RIMBP2: variants seen among roughly 807,000 people sequenced by gnomAD.
RIMBP2 encodes the protein RIMS binding protein 2, also known as RIMS-binding protein 2.
Under a neutral mutation model 118.6 loss-of-function variants are expected in RIMBP2, and 48 were observed. That is an observed-to-expected ratio of 0.40 (90% CI 0.32 to 0.51). The LOEUF is 0.51. RIMBP2 is among the 20% of genes least tolerant of loss of function. The pLI is 0.41. For synonymous variants in RIMBP2, 762 were observed against 742.9 expected, an observed-to-expected ratio of 1.03 and a Z score of -0.42; for missense variants, 1,551 against 1,768.3, an observed-to-expected ratio of 0.88 and a Z score of 2.20.
In RIMBP2 at chr12:130,499,276, G is replaced by A. The variant is rs992559157; in HGVS notation, c.-4+7372C>T. On this transcript the variant is annotated intron_variant, in intron 4 of 22. Transcript: ENST00000690449. Reference sequence around the variant, plus strand: ...TACAATTCAACATGAGATTTGGGTGGGGACATAGAGCCAAACCATATCAGG... The same window carrying A: ...TACAATTCAACATGAGATTTGGGTGAGGACATAGAGCCAAACCATATCAGG... 8.5e-5 allele frequency among the ~76,000 whole-genome samples: 13 copies of A among 152,236 alleles called. 1 individual carries two copies. The East Asian group carries it at 2.3e-3, about 27-fold the overall frequency.
intron 12 of RIMBP2, among the ~76,000 whole-genome samples, chr12:130,437,693 T>C (rs61190425): frequency 0.015 from 2,320 of 152,284 alleles, 97 homozygotes; most frequent in Admixed American, 0.087. Flanking sequence ...AGAACAGGGC[T>C]GAGGGCCTCC....
intron 2 of RIMBP2, among the ~76,000 whole-genome samples, chr12:130,519,856 A>T (rs551487959): frequency 2.0e-5 from 3 of 152,300 alleles, no homozygotes; most frequent in East Asian, 1.9e-4. Context: ...TGACTTAAGG[A>T]GGTAAAAGCT....
Position 130,422,894 on chromosome 12 carries a change from T to C in RIMBP2, c.3130-333A>G, listed in dbSNP as rs1302426134. ...TGAATACATCCCACCCCGCCTTGGC[T>C]CCTTGGAGCACCTGAGTCCCTCTTA... On this transcript the variant is annotated intron_variant, in intron 16 of 22. Transcript: ENST00000690449. The surrounding 1 kb of genome is among the most constrained non-coding windows in gnomAD (Gnocchi z 5.2). 6.6e-6 allele frequency among the ~76,000 whole-genome samples: 1 copy of C among 152,088 alleles called. No individual in the cohort carries two copies. The highest frequency in any genetic ancestry group is 1.5e-5 in the Non-Finnish European group (1 of 68,014).
intron 4 of RIMBP2, among the ~76,000 whole-genome samples, chr12:130,480,195 T>C (rs2081842329): frequency 1.4e-5 from 1 of 71,316 alleles, no homozygotes; most frequent in South Asian, 4.9e-4. Flanking sequence ...TCATTTCCTT[T>C]CATACACACA....
chr12:130,546,698 GA>G (rs2055210138), intron 2 of RIMBP2, among the ~76,000 whole-genome samples: 1 of 152,188 alleles, frequency 6.6e-6, no homozygotes, highest in Non-Finnish European at 1.5e-5. Context: ...CCCATGTCTA[GA>G]AGAAGGCCGG....
chr12:130,505,213 A>G (rs1488948624), intron 4 of RIMBP2, among the ~76,000 whole-genome samples: 1 of 152,152 alleles, frequency 6.6e-6, no homozygotes, highest in Non-Finnish European at 1.5e-5. Flanking sequence ...TGAGAACCGC[A>G]GGACCAGCTT....
Position 130,424,638 on chromosome 12 carries a change from G to T in RIMBP2, c.2633C>A (p.Ala878Asp), listed in dbSNP as rs2136765670. 1 of 1,231,898 alleles carries T rather than the reference G, an allele frequency of 8.1e-7. No homozygotes were observed. Among genetic ancestry groups the T allele is most frequent in the Admixed American group, 4.2e-5 (1 of 23,720 alleles). 76.3% of individuals were successfully genotyped at this position (1,231,898 alleles called of 1,614,324 possible). A position where few individuals can be genotyped will look rare whatever the true frequency, so the allele number is the denominator to read the frequency against. Residue 878 changes from alanine to aspartate, a missense_variant, in exon 16 of 23, where the codon GCC becomes GAC. This residue lies in a region of RIMBP2 where 1,038 missense variants were observed against 1,125.1 expected (regional missense o/e 0.92). Transcript: ENST00000690449. This position sits in a 1 kb window ranked among gnomAD's most constrained non-coding sequence, Gnocchi z 9.8. ...RPGRPYRGDE[A>D]PRGSWFPVKH... is the part of the protein sequence containing the mutation. ...CACCGGGAACCAGGAGCCCCGAGGG[G>T]CCTCGTCGCCCCTGTAGGGCCTGCC...
At chr12:130,532,803 G>T (rs960767845) in intron 2 of RIMBP2, among the ~76,000 whole-genome samples, 1 of 150,354 alleles carries the variant, frequency 6.7e-6, no homozygotes, top group Non-Finnish European at 1.5e-5. Flanking sequence ...AATGAGATGC[G>T]TGTGTGTAGC....
At chr12:130,504,977 C>T (rs2050163062) in intron 4 of RIMBP2, among the ~76,000 whole-genome samples, 1 of 152,206 alleles carries the variant, frequency 6.6e-6, no homozygotes, top group Admixed American at 6.5e-5. Context: ...CGCTAAGCTC[C>T]TTCCTCCCAG....
rs1313333425 is a variant in RIMBP2 at position 130,523,855 on chromosome 12, C to T, written c.-216-5938G>A. ...TATGGGGAGAGGTGAGAGGAATTCT[C>T]GGTATCTCCTGATACAGGTCTGGTC... is the stretch of plus-strand genomic sequence containing the variant. On this transcript the variant is annotated intron_variant, in intron 2 of 22. Transcript: ENST00000690449. The surrounding 1 kb of genome is among the most constrained non-coding windows in gnomAD (Gnocchi z 4.4). 2.0e-5 allele frequency among the ~76,000 whole-genome samples: 3 copies of T among 152,148 alleles called. No homozygotes were observed. The highest frequency in any genetic ancestry group is 2.1e-4 in the South Asian group (1 of 4,822).
intron 6 of RIMBP2, among the ~76,000 whole-genome samples, chr12:130,467,860 G>C (rs1233529100): frequency 2.0e-5 from 3 of 152,166 alleles, no homozygotes; most frequent in Non-Finnish European, 4.4e-5. Context: ...TGTGTCACAG[G>C]TGCGTCCTTA....
intron 3 of RIMBP2, among the ~76,000 whole-genome samples, chr12:130,509,110 T>G (rs1227542655): frequency 6.6e-6 from 1 of 152,210 alleles, no homozygotes. Flanking sequence ...GAAAGGCTGC[T>G]GGCGAGCCTG....
chr12:130,574,917 G>A (rs772416179), intron 2 of RIMBP2, among the ~76,000 whole-genome samples: 13 of 151,638 alleles, frequency 8.6e-5, no homozygotes, highest in Non-Finnish European at 1.6e-4. Context: ...GTGAGCAGAA[G>A]ACCTGAGTGC....
At chr12:130,559,628 C>T (rs1038757204) in intron 2 of RIMBP2, among the ~76,000 whole-genome samples, 5 of 152,194 alleles carry the variant, frequency 3.3e-5, no homozygotes, top group Admixed American at 6.5e-5. Flanking sequence ...TTAAAAAACA[C>T]GATTCCCATT....
At chr12:130,667,145 AGGGAGGAAGGGAG>A (rs2063983849) in intron 1 of RIMBP2, 6 of 47,218 alleles carry the variant, frequency 1.3e-4, no homozygotes, top group South Asian at 7.7e-4. Context: ...GAGGGAGGGA[AGGGAGGAAGGGAG>A]GGAAGAAGGG....
chr12:130,470,081 A>T (rs372648604), intron 6 of RIMBP2: 11 of 152,362 alleles, frequency 7.2e-5, no homozygotes, highest in South Asian at 4.1e-4. Flanking sequence ...GGTGGGACGT[A>T]GCCGTTGTTT....
intron 1 of RIMBP2, among the ~76,000 whole-genome samples, chr12:130,707,166 C>T (rs998069782): frequency 2.0e-5 from 3 of 152,106 alleles, no homozygotes; most frequent in East Asian, 1.9e-4. Flanking sequence ...GCAGGAAGAG[C>T]GGTGGGGTCA....
In RIMBP2 at chr12:130,451,067, G is replaced by A. The variant is rs145920010; in HGVS notation, c.504+128C>T. The A allele has an allele frequency of 1.0e-5, 12 of 1,157,944 alleles. No individual in the cohort carries two copies. The African/African-American group carries it at 1.5e-4, about 15-fold the overall frequency. 71.7% of individuals were successfully genotyped at this position (1,157,944 alleles called of 1,614,324 possible). A position where few individuals can be genotyped will look rare whatever the true frequency, so the allele number is the denominator to read the frequency against. On this transcript the variant is annotated intron_variant, in intron 8 of 22. Coordinates refer to ENST00000690449, the MANE Select transcript of RIMBP2 (RefSeq NM_001393629.1). ...GGGCAAGGGAATTAACAGGGGCAAAGGGAAGAACCAACCAGAAGGAAGACA... is the reference window on the plus strand; with the variant it reads ...GGGCAAGGGAATTAACAGGGGCAAAAGGAAGAACCAACCAGAAGGAAGACA...
chr12:130,403,661 C>T (rs1366623422), intron 21 of RIMBP2, among the ~76,000 whole-genome samples: 1 of 141,270 alleles, frequency 7.1e-6, no homozygotes, highest in African/African-American at 2.6e-5. Flanking sequence ...TGCTGTGTCA[C>T]TTAATCTCCT....
Sources: allele counts gnomAD v4.1 joint callset (sites outside exome capture counted in the v4.1 genomes callset), GRCh38; gene constraint gnomAD v4.1.1; regional missense constraint gnomAD v4.1.1; non-coding constraint Gnocchi (gnomAD v3.1); transcripts MANE v1.5; gene names NCBI Gene and HGNC (gene_info 2026-07-23, HGNC 2026-07-21).